CABP1: variants seen among roughly 807,000 people sequenced by gnomAD.
The protein encoded by CABP1 is calcium-binding protein 1.
CABP1 carries 17 observed loss-of-function variants against 34.3 expected under a neutral mutation model. The ratio of observed to expected loss-of-function variants is 0.50; its 90% CI spans 0.34 to 0.74. The LOEUF (loss-of-function observed/expected upper bound fraction) is 0.74. Ranked by LOEUF, CABP1 falls within the 30% of genes least tolerant of loss-of-function variation. The pLI is 0.01. For missense variants in CABP1, 373 were observed against 511.1 expected (o/e 0.73, Z 2.61); for synonymous variants, 198 against 229.2 (o/e 0.86, Z 1.23).
the CABP1 span, among the ~76,000 whole-genome samples, chr12:120,676,057 T>C: frequency 6.6e-6 from 1 of 152,160 alleles, no homozygotes; most frequent in African/African-American, 2.4e-5. Flanking sequence ...GCCTGCATGA[T>C]GAGAGGGAGA....
At chr12:120,655,895 A>G in intron 1 of CABP1, 2 of 1,536,300 alleles carry the variant, frequency 1.3e-6, no homozygotes, top group Non-Finnish European at 1.7e-6. Flanking sequence ...TCTCCCCGGA[A>G]CCACCATTTC....
chr12:120,666,824 G>C, intron 5 of CABP1, 51 bp from the exon 6 acceptor site: 3 of 1,573,842 alleles, frequency 1.9e-6, no homozygotes, highest in Non-Finnish European at 2.6e-6. Context: ...CAGCAACCTG[G>C]GGAGGCCTCT....
chr12:120,641,577 C>A lies in CABP1; in HGVS notation c.654+238C>A, dbSNP rs887346399. The A allele has an allele frequency of 1.4e-4, 54 of 390,418 alleles. No homozygotes were observed. The highest frequency in any genetic ancestry group is 2.2e-4 in the Non-Finnish European group (49 of 224,866). The allele number at this position is 390,418 out of a possible 1,614,324, so 24.2% of individuals were successfully genotyped here. A position where few individuals can be genotyped will look rare whatever the true frequency, so the allele number is the denominator to read the frequency against. On this transcript the variant is annotated intron_variant, in intron 1 of 5. Transcript: ENST00000316803. The surrounding 1 kb of genome is among the most constrained non-coding windows in gnomAD (Gnocchi z 6.7). ...TTGGGGCAAGGCCCTCCCCGCTAGC[C>A]TCCCTCATACCCGCCAGAACCCGCC...
intron 1 of CABP1, among the ~76,000 whole-genome samples, chr12:120,647,628 C>T (rs112515891): frequency 7.8e-5 from 11 of 141,896 alleles, no homozygotes; most frequent in African/African-American, 2.4e-4. Context: ...AGTGCAATGA[C>T]GCGATCTCGA....
chr12:120,656,649 A>T (rs980525740), intron 1 of CABP1, among the ~76,000 whole-genome samples: 1 of 152,154 alleles, frequency 6.6e-6, no homozygotes, highest in Admixed American at 6.5e-5. Flanking sequence ...TAATCCCAGC[A>T]CTTTGGGAGG....
intron 1 of CABP1, among the ~76,000 whole-genome samples, chr12:120,654,560 G>T (rs1880044870): frequency 6.6e-6 from 1 of 152,224 alleles, no homozygotes; most frequent in Admixed American, 6.5e-5. Flanking sequence ...GAGCCCTCAG[G>T]GTTTCAGCTC....
intron 1 of CABP1, among the ~76,000 whole-genome samples, chr12:120,642,246 G>T (rs947426973): frequency 6.6e-6 from 1 of 152,092 alleles, no homozygotes; most frequent in Non-Finnish European, 1.5e-5. Context: ...GGCAGCCTCC[G>T]AGAGGTGTCA....
In CABP1 at chr12:120,661,477, T is replaced by G; in HGVS notation, c.1087+259T>G. ...CTGTCCATTTATCCATCCATTCATCTACCTATCTATCCATCTGTCCACCAT... is the reference window on the plus strand; with the variant it reads ...CTGTCCATTTATCCATCCATTCATCGACCTATCTATCCATCTGTCCACCAT... On this transcript the variant is annotated intron_variant, in intron 5 of 5. Coordinates refer to ENST00000316803, the MANE Select transcript of CABP1 (RefSeq NM_001033677.2). The surrounding 1 kb of genome is among the most constrained non-coding windows in gnomAD (Gnocchi z 5.1). The G allele has an allele frequency of 2.3e-6, 1 of 442,538 alleles. No individual in the cohort carries two copies. The highest frequency in any genetic ancestry group is 4.1e-5 in the Admixed American group (1 of 24,464). 27.4% of individuals were successfully genotyped at this position (442,538 alleles called of 1,614,324 possible).
At chr12:120,650,489 G>T (rs191452654) in intron 1 of CABP1, 16 of 1,517,788 alleles carry the variant, frequency 1.1e-5, no homozygotes, top group African/African-American at 7.0e-5. Context: ...GAGCACGCGC[G>T]CAAGAGAGGG....
In CABP1 at chr12:120,640,856, G is replaced by T. The variant is rs1879284544; in HGVS notation, c.171G>T (p.Ala57=). ...GCCATGCGAGCGCGGGCCCCGCCGC[G>T]ATGAGCTCGCACATCGCCAAAAGCG... ...PPGHASAGPA[A]MSSHIAKSES... Residue 57 remains alanine, a synonymous_variant, in exon 1 of 6, where the codon GCG becomes GCT. Transcript: ENST00000316803. The surrounding 1 kb of genome is among the most constrained non-coding windows in gnomAD (Gnocchi z 6.2). The T allele has an allele frequency of 9.3e-7, 1 of 1,075,316 alleles. No individual in the cohort carries two copies. Among genetic ancestry groups the T allele is most frequent in the Non-Finnish European group, 1.1e-6 (1 of 889,492 alleles). 66.6% of individuals were successfully genotyped at this position (1,075,316 alleles called of 1,614,324 possible). A position where few individuals can be genotyped will look rare whatever the true frequency, so the allele number is the denominator to read the frequency against.
intron 1 of CABP1, among the ~76,000 whole-genome samples, chr12:120,653,567 G>C (rs1225380129): frequency 6.6e-6 from 1 of 152,056 alleles, no homozygotes; most frequent in Non-Finnish European, 1.5e-5. Flanking sequence ...ATGGAGTCTC[G>C]CTCTGTTACC....
At chr12:120,679,989 T>C in the CABP1 span, among the ~76,000 whole-genome samples, 1 of 152,102 alleles carries the variant, frequency 6.6e-6, no homozygotes. Context: ...CTGGCCAACA[T>C]GGTGAAACCC....
In CABP1 at chr12:120,660,089, G is replaced by T. The variant is rs141020181; in HGVS notation, c.686-107G>T. 2.3e-5 allele frequency: 33 copies of T among 1,449,888 alleles called. No individual in the cohort carries two copies. The highest frequency in any genetic ancestry group is 3.6e-4 in the Middle Eastern group (2 of 5,554). 89.8% of individuals were successfully genotyped at this position (1,449,888 alleles called of 1,614,324 possible). A position where few individuals can be genotyped will look rare whatever the true frequency, so the allele number is the denominator to read the frequency against. ...GAGAAATGCCCCAGCATCCTGGGAA[G>T]CTCCTGGGCCTCTCTTTCCATGCCG... On this transcript the variant is annotated intron_variant, in intron 2 of 5. Transcript: ENST00000316803. The surrounding 1 kb of genome is among the most constrained non-coding windows in gnomAD (Gnocchi z 5.0).
rs1879346839 is a variant in CABP1 at position 120,641,832 on chromosome 12, G to C, written c.654+493G>C. Among the ~76,000 whole-genome samples, 1 of 152,218 alleles carries C rather than the reference G, an allele frequency of 6.6e-6. No individual in the cohort carries two copies. Among genetic ancestry groups the C allele is most frequent in the African/African-American group, 2.4e-5 (1 of 41,450 alleles). ...ACTGGCCACTGCCTATCATGTCCCTGAAGGCCTGAGAAAAGTTAGGAGATC... is the reference window on the plus strand; with the variant it reads ...ACTGGCCACTGCCTATCATGTCCCTCAAGGCCTGAGAAAAGTTAGGAGATC... On this transcript the variant is annotated intron_variant, in intron 1 of 5. Transcript: ENST00000316803. This position sits in a 1 kb window ranked among gnomAD's most constrained non-coding sequence, Gnocchi z 6.7.
intron 5 of CABP1, among the ~76,000 whole-genome samples, chr12:120,665,888 C>G (rs540674193): frequency 6.6e-6 from 1 of 151,462 alleles, no homozygotes; most frequent in Non-Finnish European, 1.5e-5. Flanking sequence ...GACGTCGTGG[C>G]GGGCTCCTGG....
In CABP1 at chr12:120,640,797, CCCGCGCCGCGCCGCA is replaced by C. The variant is rs1431508191; in HGVS notation, c.122_136del (p.Arg41_Pro45del). 5.3e-5 allele frequency: 59 copies of C among 1,111,706 alleles called. No individual in the cohort carries two copies. The highest frequency in any genetic ancestry group is 6.5e-5 in the Non-Finnish European group (59 of 912,684). 68.9% of individuals were successfully genotyped at this position (1,111,706 alleles called of 1,614,324 possible). A position where few individuals can be genotyped will look rare whatever the true frequency, so the allele number is the denominator to read the frequency against. On this transcript the variant is annotated inframe_deletion, in exon 1 of 6. Coordinates refer to ENST00000316803, the MANE Select transcript of CABP1 (RefSeq NM_001033677.2). The surrounding 1 kb of genome is among the most constrained non-coding windows in gnomAD (Gnocchi z 6.2). ...GCCCCGTTCTCTGCCCGCCGGGGGCCCCGCGCCGCGCCGCACCGCGCCGCCCCCGCCGGGCCATGC... is the reference window on the plus strand; with the variant it reads ...GCCCCGTTCTCTGCCCGCCGGGGGCCCCGCGCCGCCCCCGCCGGGCCATGC...
At chr12:120,647,725 G>A (rs148987851) in intron 1 of CABP1, among the ~76,000 whole-genome samples, 6,874 of 147,800 alleles carry the variant, frequency 0.047, 185 homozygotes, top group South Asian at 0.11. Flanking sequence ...CTGCCACCAC[G>A]CCCAGCTAAC....
At chr12:120,656,992 G>A (rs1042999479) in intron 1 of CABP1, among the ~76,000 whole-genome samples, 4 of 152,212 alleles carry the variant, frequency 2.6e-5, no homozygotes, top group Admixed American at 6.5e-5. Context: ...TGGATAGCCT[G>A]ACTCAAGAGC....
intron 1 of CABP1, chr12:120,658,980 T>C (rs1880440823): frequency 6.6e-6 from 1 of 152,294 alleles, no homozygotes; most frequent in Non-Finnish European, 1.5e-5. Context: ...CCAGGGCAAC[T>C]GGCAGCTCAC....
Sources: gnomAD v4.1 joint callset for allele counts (sites outside exome capture counted in the v4.1 genomes callset) on GRCh38, gnomAD v4.1.1 for gene constraint, Gnocchi (gnomAD v3.1) non-coding constraint, MANE v1.5 for transcripts, NCBI Gene and HGNC (gene_info 2026-07-23, HGNC 2026-07-21) for gene names.